The following ANKS1B variants were observed in gnomAD, a reference collection of about 807,000 sequenced individuals.
ANKS1B encodes the protein ankyrin repeat and sterile alpha motif domain containing 1B, also known as ankyrin repeat and sterile alpha motif domain-containing protein 1B.
Under a neutral mutation model 148.3 loss-of-function variants are expected in ANKS1B, and 36 were observed. The observed-to-expected ratio is 0.24, with a 90% CI of 0.19 to 0.32. The LOEUF (loss-of-function observed/expected upper bound fraction) is 0.32. Ranked by LOEUF, ANKS1B falls within the 10% of genes least tolerant of loss-of-function variation. The pLI is 1.00. For missense variants in ANKS1B, 1,157 were observed against 1,542.6 expected (o/e 0.75, Z 4.19); for synonymous variants, 542 against 560.8 (o/e 0.97, Z 0.47).
intron 17 of ANKS1B, among the ~76,000 whole-genome samples, chr12:99,003,141 CAT>C (rs887238970): frequency 2.6e-5 from 4 of 152,130 alleles, no homozygotes; most frequent in African/African-American, 9.7e-5. Context: ...ATCAATTGAT[CAT>C]ATATACGTGG....
At chr12:99,506,037 C>T (rs1185818915) in intron 9 of ANKS1B, among the ~76,000 whole-genome samples, 1 of 151,966 alleles carries the variant, frequency 6.6e-6, no homozygotes, top group Admixed American at 6.6e-5. Flanking sequence ...TACCACTGCT[C>T]AGCATCATGA....
At chr12:98,938,362 G>A (rs1173637351) in intron 17 of ANKS1B, among the ~76,000 whole-genome samples, 1 of 152,106 alleles carries the variant, frequency 6.6e-6, no homozygotes, top group East Asian at 1.9e-4. Context: ...GTAGACACTG[G>A]TTTTCAACCC....
At chr12:98,956,677 GAT>G (rs1258500957) in intron 17 of ANKS1B, among the ~76,000 whole-genome samples, 2 of 152,070 alleles carry the variant, frequency 1.3e-5, no homozygotes. Context: ...AGCTGTGGGG[GAT>G]ACAAAGCTAG....
chr12:99,947,748 T>C (rs919759567), intron 1 of ANKS1B, among the ~76,000 whole-genome samples: 1 of 152,098 alleles, frequency 6.6e-6, no homozygotes, highest in Non-Finnish European at 1.5e-5. Context: ...ATCTGGAAGT[T>C]CTAGAGAATA....
chr12:99,096,729 T>C (rs1457946918), intron 15 of ANKS1B, among the ~76,000 whole-genome samples: 1 of 152,198 alleles, frequency 6.6e-6, no homozygotes, highest in Non-Finnish European at 1.5e-5. Context: ...TGAATAATAT[T>C]ACTCAACCTG....
intron 9 of ANKS1B, among the ~76,000 whole-genome samples, chr12:99,546,075 G>A (rs954065531): frequency 2.6e-5 from 4 of 152,096 alleles, no homozygotes; most frequent in African/African-American, 9.7e-5. Context: ...TCCAAGTCAA[G>A]TTGAATGGAA....
downstream of ANKS1B, among the ~76,000 whole-genome samples, chr12:98,742,729 T>C (rs1191586329): frequency 6.6e-6 from 1 of 152,258 alleles, no homozygotes; most frequent in Non-Finnish European, 1.5e-5. Flanking sequence ...GCGCCGTCTC[T>C]GCCGGCTTTG....
chr12:98,916,485 T>C (rs536419140), intron 17 of ANKS1B, among the ~76,000 whole-genome samples: 1 of 152,314 alleles, frequency 6.6e-6, no homozygotes, highest in South Asian at 2.1e-4. Context: ...ATCATTCACA[T>C]GGAAATGCAC....
intron 10 of ANKS1B, among the ~76,000 whole-genome samples, chr12:99,458,256 C>G (rs1474344967): frequency 6.6e-6 from 1 of 151,864 alleles, no homozygotes; most frequent in Non-Finnish European, 1.5e-5. Context: ...ATCAAAACCT[C>G]TGGGATACAG....
intron 22 of ANKS1B, among the ~76,000 whole-genome samples, chr12:98,791,130 A>G (rs966086987): frequency 6.6e-6 from 1 of 152,110 alleles, no homozygotes. Context: ...GCAGATCACA[A>G]GGTCAGGAGT....
chr12:99,401,646 TGCACGTAA>T (rs2094406729), intron 11 of ANKS1B, among the ~76,000 whole-genome samples: 1 of 146,806 alleles, frequency 6.8e-6, no homozygotes, highest in Non-Finnish European at 1.5e-5. Flanking sequence ...GCAGATATCA[TGCACGTAA>T]GCACTGTGAT....
intron 2 of ANKS1B, among the ~76,000 whole-genome samples, chr12:99,823,535 G>GC (rs2082775264): frequency 6.6e-6 from 1 of 152,020 alleles, no homozygotes; most frequent in South Asian, 2.1e-4. Flanking sequence ...CAAACTTCTG[G>GC]CCTCAAGCTA....
intron 8 of ANKS1B, among the ~76,000 whole-genome samples, chr12:99,732,059 C>G (rs1472051688): frequency 6.6e-6 from 1 of 152,078 alleles, no homozygotes; most frequent in East Asian, 1.9e-4. Flanking sequence ...AAATGATGTT[C>G]TATAATATTG....
intron 10 of ANKS1B, among the ~76,000 whole-genome samples, chr12:99,503,124 A>G (rs547438835): frequency 1.3e-5 from 2 of 152,236 alleles, no homozygotes; most frequent in South Asian, 4.1e-4. Flanking sequence ...GTTTGTAGCA[A>G]TGGGGTTTCA....
intron 17 of ANKS1B, among the ~76,000 whole-genome samples, chr12:99,041,782 C>T (rs2099959167): frequency 6.6e-6 from 1 of 152,144 alleles, no homozygotes; most frequent in African/African-American, 2.4e-5. Flanking sequence ...AGGAGGATCA[C>T]TTGAGCCCAG....
intron 16 of ANKS1B, among the ~76,000 whole-genome samples, chr12:99,060,989 C>T (rs1324515695): frequency 6.6e-6 from 1 of 152,078 alleles, no homozygotes; most frequent in African/African-American, 2.4e-5. Context: ...GGATAAGGAA[C>T]CCTGAAAAGC....
intron 12 of ANKS1B, among the ~76,000 whole-genome samples, chr12:99,252,869 G>A (rs2074791701): frequency 6.6e-6 from 1 of 152,148 alleles, no homozygotes; most frequent in Admixed American, 6.5e-5. Context: ...TCTGGGAGAA[G>A]AATACAAATT....
chr12:99,599,923 T>G (rs73383762), intron 9 of ANKS1B, among the ~76,000 whole-genome samples: 2,119 of 151,046 alleles, frequency 0.014, 56 homozygotes, highest in African/African-American at 0.049. Flanking sequence ...TCACTGGCCA[T>G]GAGTATAGTT....
At chr12:99,008,361 C>A (rs1412202757) in intron 17 of ANKS1B, among the ~76,000 whole-genome samples, 2 of 151,954 alleles carry the variant, frequency 1.3e-5, no homozygotes, top group African/African-American at 2.4e-5. Context: ...CAAATAGCAA[C>A]CATGTAATCT....
Sources: gnomAD v4.1 joint callset for allele counts (sites outside exome capture counted in the v4.1 genomes callset) on GRCh38, gnomAD v4.1.1 for gene constraint, MANE v1.5 for transcripts, NCBI Gene and HGNC (gene_info 2026-07-23, HGNC 2026-07-21) for gene names.